The following ACADSB variants were observed in gnomAD, a reference collection of about 807,000 sequenced individuals.
The protein encoded by ACADSB is short/branched chain specific acyl-CoA dehydrogenase, mitochondrial.
In ACADSB, 40 loss-of-function variants were observed where a neutral mutation model predicts 54.1. The ratio of observed to expected loss-of-function variants is 0.74; its 90% CI spans 0.57 to 0.96. ACADSB has a LOEUF of 0.96. ACADSB is among the 40% of genes least tolerant of loss of function. ACADSB has a pLI of 0.00. For missense variants in ACADSB, 530 were observed against 510.4 expected, an observed-to-expected ratio of 1.04 and a Z score of -0.37; for synonymous variants, 182 against 182.8, an observed-to-expected ratio of 1.00 and a Z score of 0.03.
At position 123,047,392 on chromosome 10, in the gene ACADSB, AG is replaced by A. The variant is rs1404135645; in HGVS notation, c.990+99del. On this transcript the variant is annotated intron_variant, in intron 8 of 10. Transcript: ENST00000358776. ...TGAAATCCATGGAGGGAATCCCTTC[AG>A]GGGGATTTTAATGGGAGATGGGTAG... The A allele has an allele frequency of 5.4e-5, 50 of 929,350 alleles. No homozygotes were observed. The Middle Eastern group carries it at 1.1e-3, about 20-fold the overall frequency. The allele number at this position is 929,350 out of a possible 1,614,324, so 57.6% of individuals were successfully genotyped here.
Position 123,051,096 on chromosome 10 carries a change from A to C in ACADSB, c.1038A>C (p.Ala346=), listed in dbSNP as rs1850625759. The C allele has an allele frequency of 1.2e-6, 2 of 1,612,318 alleles. No homozygotes were observed. Among genetic ancestry groups the C allele is most frequent in the Middle Eastern group, 1.8e-4 (1 of 5,502 alleles). ...ACGTGGCCACCCAGCTGGAAGCTGC[A>C]AGATTACTAACATACAATGCTGCTA... ...VAHVATQLEA[A]RLLTYNAARL... Residue 346 remains alanine (A), a synonymous_variant, in exon 9 of 11, where the codon GCA becomes GCC. Transcript: ENST00000358776.
At chr10:123,047,354 TGAAGGGCTGTGTTGAAATCCATGGAGG>T in intron 8 of ACADSB, 56 bp downstream of exon 8, 1 of 1,219,880 alleles carries the variant, frequency 8.2e-7, no homozygotes, top group Non-Finnish European at 1.2e-6. Context: ...TTCCTGTTAA[TGAAGGGCTGTGTTGAAATCCATGGAGG>T]GAATCCCTTC....
intron 8 of ACADSB, among the ~76,000 whole-genome samples, chr10:123,049,165 A>C (rs1240612407): frequency 6.6e-6 from 1 of 152,242 alleles, no homozygotes; most frequent in African/African-American, 2.4e-5. Flanking sequence ...TTATAGCTGT[A>C]TAATGCTTTG....
chr10:123,024,255 AAAG>A (rs1850219534), intron 1 of ACADSB, among the ~76,000 whole-genome samples: 1 of 152,246 alleles, frequency 6.6e-6, no homozygotes, highest in Non-Finnish European at 1.5e-5. Flanking sequence ...TAGTATAAGA[AAAG>A]AAGGTTTAAG....
chr10:123,044,955 AT>A (rs1850531662), intron 7 of ACADSB, among the ~76,000 whole-genome samples: 2 of 151,810 alleles, frequency 1.3e-5, no homozygotes, highest in African/African-American at 4.8e-5. Flanking sequence ...GGCACATGAA[AT>A]AAAATAGCCA....
At chr10:123,045,176 T>A (rs1187299594) in intron 7 of ACADSB, among the ~76,000 whole-genome samples, 7 of 69,208 alleles carry the variant, frequency 1.0e-4, no homozygotes, top group African/African-American at 2.9e-4. Flanking sequence ...TATATATTTT[T>A]TTTTTTTTTT....
At position 123,054,697 on chromosome 10, in the gene ACADSB, A is replaced by G. The variant is rs930066433; in HGVS notation, c.*932A>G. 1 of 152,192 alleles carries G rather than the reference A, an allele frequency of 6.6e-6. No individual in the cohort carries two copies. Among genetic ancestry groups the G allele is most frequent in the Non-Finnish European group, 1.5e-5 (1 of 68,038 alleles). 9.4% of individuals were successfully genotyped at this position (152,192 alleles called of 1,614,324 possible). A position where few individuals can be genotyped will look rare whatever the true frequency, so the allele number is the denominator to read the frequency against. On this transcript the variant is annotated 3_prime_UTR_variant, in exon 11 of 11. Transcript: ENST00000358776. ...TTACTATAATTAACCTGTATAAAAG[A>G]TACATTTTATGGTGGTTTCAGTAGG...
intron 8 of ACADSB, among the ~76,000 whole-genome samples, chr10:123,050,638 T>C (rs1404065275): frequency 6.6e-6 from 1 of 152,232 alleles, no homozygotes; most frequent in Admixed American, 6.5e-5. Flanking sequence ...GGAAGCCATA[T>C]GAAAAATCAA....
intron 1 of ACADSB, among the ~76,000 whole-genome samples, chr10:123,028,707 G>A (rs994389239): frequency 2.6e-5 from 4 of 152,004 alleles, no homozygotes; most frequent in African/African-American, 9.7e-5. Context: ...CAAAGCATAC[G>A]TGGTTCAGGC....
At chr10:123,009,548 C>T (rs772091616) in intron 1 of ACADSB, among the ~76,000 whole-genome samples, 29 of 152,312 alleles carry the variant, frequency 1.9e-4, no homozygotes, top group Non-Finnish European at 2.8e-4. Flanking sequence ...TCCTTCCTTC[C>T]GCGGCCCCGC....
intron 3 of ACADSB, among the ~76,000 whole-genome samples, chr10:123,039,124 G>A (rs1035990797): frequency 6.6e-6 from 1 of 152,176 alleles, no homozygotes; most frequent in Non-Finnish European, 1.5e-5. Context: ...CTATTTCCAC[G>A]TTGGGAGAGA....
rs992074689 is a variant in ACADSB, at chr10:123,054,505, G to T, written c.*740G>T. ...GGCAATTTTTATCCAGTACTTTATA[G>T]ATTCAACTCTAAGTTGCAAGCGAAG... is the stretch of plus-strand genomic sequence containing the variant. On this transcript the variant is annotated 3_prime_UTR_variant, in exon 11 of 11. Transcript: ENST00000358776. 2.6e-5 allele frequency: 4 copies of T among 152,164 alleles called. No individual in the cohort carries two copies. The highest frequency in any genetic ancestry group is 7.2e-5 in the African/African-American group (3 of 41,434). The allele number at this position is 152,164 out of a possible 1,614,324, so 9.4% of individuals were successfully genotyped here. A position where few individuals can be genotyped will look rare whatever the true frequency, so the allele number is the denominator to read the frequency against.
Position 123,044,492 on chromosome 10 carries a change from C to A in ACADSB, c.900+7C>A. On this transcript the variant is annotated splice_region_variant and intron_variant, in intron 7 of 10. Transcript: ENST00000358776. ...AATAGGAATTGCTGCACAGGTAAGT[C>A]AGATTTAAACTCTTCCATGATGTGA... The A allele has an allele frequency of 1.3e-6, 2 of 1,593,890 alleles. No individual in the cohort carries two copies. Among genetic ancestry groups the A allele is most frequent in the South Asian group, 1.1e-5 (1 of 90,592 alleles).
At chr10:123,039,942 A>C (rs944476218) in intron 3 of ACADSB, among the ~76,000 whole-genome samples, 1 of 152,158 alleles carries the variant, frequency 6.6e-6, no homozygotes, top group African/African-American at 2.4e-5. Flanking sequence ...ATAGCATATA[A>C]TTTTATCCTT....
chr10:123,057,937 C>A lies in ACADSB; in HGVS notation c.*4172C>A, dbSNP rs953713782. 1 of 152,126 alleles carries A rather than the reference C, an allele frequency of 6.6e-6. No homozygotes were observed. The highest frequency in any genetic ancestry group is 1.5e-5 in the Non-Finnish European group (1 of 68,024). 9.4% of individuals were successfully genotyped at this position (152,126 alleles called of 1,614,324 possible). On this transcript the variant is annotated 3_prime_UTR_variant, in exon 11 of 11. Transcript: ENST00000358776. ...ATTTCATTCTTGTTATATTTCAGTA[C>A]TCTTGCTGATTTATTTTAGGTTTAA...
rs1406879925 is a variant in ACADSB at position 123,054,325 on chromosome 10, T to C, written c.*560T>C. The stretch of plus-strand genomic sequence containing the variant: ...ATGAGCCACCGTGCCTGGCTGGGTA[T>C]TTATATTATCATTCTAGTTTCAGAG... On this transcript the variant is annotated 3_prime_UTR_variant, in exon 11 of 11. Transcript: ENST00000358776. The C allele has an allele frequency of 6.5e-6, 1 of 154,768 alleles. No homozygotes were observed. Among genetic ancestry groups the C allele is most frequent in the Non-Finnish European group, 1.4e-5 (1 of 69,560 alleles). The allele number at this position is 154,768 out of a possible 1,614,324, so 9.6% of individuals were successfully genotyped here.
chr10:123,011,277 G>A (rs767646068), intron 1 of ACADSB, among the ~76,000 whole-genome samples: 6 of 152,198 alleles, frequency 3.9e-5, no homozygotes, highest in Admixed American at 6.5e-5. Context: ...GTAAACCTCT[G>A]AAGTAGGTAT....
At chr10:123,029,491 A>T (rs1850299539) in intron 1 of ACADSB, among the ~76,000 whole-genome samples, 1 of 152,124 alleles carries the variant, frequency 6.6e-6, no homozygotes, top group African/African-American at 2.4e-5. Context: ...CTATATCTTT[A>T]TGTCCTCATA....
intron 1 of ACADSB, among the ~76,000 whole-genome samples, chr10:123,029,862 G>A (rs1247922078): frequency 6.6e-6 from 1 of 152,080 alleles, no homozygotes; most frequent in African/African-American, 2.4e-5. Flanking sequence ...CCATAGACTG[G>A]GTGCTTATAA....
Sources: gnomAD v4.1 joint callset for allele counts (sites outside exome capture counted in the v4.1 genomes callset) on GRCh38, gnomAD v4.1.1 for gene constraint, MANE v1.5 for transcripts, NCBI Gene and HGNC (gene_info 2026-07-23, HGNC 2026-07-21) for gene names.